Variants in PHACTR4 observed in about 807,000 individuals in gnomAD.
PHACTR4 encodes the protein phosphatase and actin regulator 4, also known as protein phosphatase 1, regulatory subunit 124.
Under a neutral mutation model 72.7 loss-of-function variants are expected in PHACTR4, and 51 were observed. The ratio of observed to expected loss-of-function variants is 0.70; its 90% confidence interval spans 0.56 to 0.89. PHACTR4 has a LOEUF of 0.89. Among genes scored for constraint, PHACTR4 ranks in the 40% least tolerant of loss-of-function variants. PHACTR4 has a pLI of 0.00. For synonymous variants in PHACTR4, 255 were observed against 302.5 expected (o/e 0.84, Z 1.63); for missense variants, 731 against 861.8 (o/e 0.85, Z 1.90).
chr1:28,449,326 A>T (rs1657761919), intron 2 of PHACTR4, among the ~76,000 whole-genome samples: 2 of 152,054 alleles, frequency 1.3e-5, no homozygotes, highest in African/African-American at 4.8e-5. Context: ...CATACCCCAT[A>T]TCTAAAAAAT....
intron 13 of PHACTR4, 94 bp from the exon 14 acceptor site, chr1:28,496,440 G>A: frequency 1.5e-6 from 2 of 1,377,490 alleles, no homozygotes; most frequent in Non-Finnish European, 2.1e-6. Context: ...GAAAGGCAGT[G>A]TTAATTAGGT....
chr1:28,458,354 C>T (rs1658558709), intron 2 of PHACTR4, among the ~76,000 whole-genome samples: 1 of 151,994 alleles, frequency 6.6e-6, no homozygotes, highest in African/African-American at 2.4e-5. Flanking sequence ...CACCTTACTG[C>T]CCTGGTTGAT....
At chr1:28,436,805 A>G (rs894233323) in intron 2 of PHACTR4, among the ~76,000 whole-genome samples, 12 of 152,216 alleles carry the variant, frequency 7.9e-5, no homozygotes, top group Admixed American at 6.5e-5. Flanking sequence ...GGAAAAATCA[A>G]TGTGCAAACT....
intron 1 of PHACTR4, among the ~76,000 whole-genome samples, chr1:28,393,095 G>A (rs1355895099): frequency 6.6e-6 from 1 of 152,094 alleles, no homozygotes; most frequent in African/African-American, 2.4e-5. Flanking sequence ...GGATAAGAGA[G>A]GACTACTGTA....
intron 2 of PHACTR4, among the ~76,000 whole-genome samples, chr1:28,447,269 C>T (rs1657550979): frequency 6.6e-6 from 1 of 152,244 alleles, no homozygotes; most frequent in East Asian, 1.9e-4. Context: ...GCCTTGGCCT[C>T]CCAAAGTGCT....
intron 2 of PHACTR4, among the ~76,000 whole-genome samples, chr1:28,424,848 C>T (rs1201246729): frequency 1.3e-5 from 2 of 151,482 alleles, no homozygotes. Flanking sequence ...GCTTGGAATG[C>T]AGTGGTGCAA....
At chr1:28,398,515 C>T (rs535725247) in intron 1 of PHACTR4, among the ~76,000 whole-genome samples, 2 of 150,166 alleles carry the variant, frequency 1.3e-5, no homozygotes, top group Non-Finnish European at 3.0e-5. Flanking sequence ...AGTAGACAGA[C>T]CCTGTCTCAA....
Position 28,491,762 on chromosome 1 carries a change from G to A in PHACTR4, c.1991G>A (p.Trp664Ter). 6.2e-7 allele frequency: 1 copy of A among 1,614,074 alleles called. No individual in the cohort carries two copies. Among genetic ancestry groups the A allele is most frequent in the Non-Finnish European group, 8.5e-7 (1 of 1,179,992 alleles). The change falls in exon 12 of 14, where the codon TGG (tryptophan) becomes TAG (stop). Residue 664 changes from tryptophan to a stop codon, truncating the protein, a stop_gained. Transcript: ENST00000373839. LOFTEE classifies it high-confidence loss of function. ...QDYDRRADKPWTKLTPADKAA... is the reference protein window; with the variant it reads ...QDYDRRADKP ...TATGACCGGCGAGCCGACAAACCTT[G>A]GACCAAACTGACCCCTGCTGACAAG...
intron 11 of PHACTR4, 62 bp downstream of exon 11, chr1:28,491,074 G>C: frequency 6.6e-7 from 1 of 1,521,820 alleles, no homozygotes; most frequent in Admixed American, 1.7e-5. Context: ...TATTTGATTG[G>C]AAATGAATTC....
chr1:28,473,868 C>A lies in PHACTR4; in HGVS notation c.1138C>A (p.Leu380Ile), dbSNP rs61785974. 0.28 allele frequency: 444,042 copies of A among 1,613,634 alleles called. 62,864 individuals carry two copies. Among genetic ancestry groups the A allele is most frequent in the Middle Eastern group, 0.31 (1,854 of 6,058 alleles). ...PEIEFPPSLD[L>I]HQEIPQQEDQ... Reference sequence around the variant, plus strand: ...AATTGAGTTTCCACCATCCTTAGATCTACACCAGGAGATTCCCCAGCAGGA... The same window carrying A: ...AATTGAGTTTCCACCATCCTTAGATATACACCAGGAGATTCCCCAGCAGGA... The change falls in exon 7 of 14, where the codon CTA becomes ATA. Residue 380 changes from leucine to isoleucine, a missense_variant. Transcript: ENST00000373839.
At chr1:28,458,648 G>A (rs948039329) in intron 2 of PHACTR4, among the ~76,000 whole-genome samples, 2 of 152,128 alleles carry the variant, frequency 1.3e-5, no homozygotes, top group Non-Finnish European at 2.9e-5. Context: ...CTAACAATGT[G>A]TTACCTCTCC....
chr1:28,443,732 G>A (rs1335374784), intron 2 of PHACTR4, among the ~76,000 whole-genome samples: 1 of 152,142 alleles, frequency 6.6e-6, no homozygotes, highest in African/African-American at 2.4e-5. Context: ...TGGGATTACA[G>A]TTGTGAGCTA....
At chr1:28,378,098 G>A (rs541304344) in intron 1 of PHACTR4, among the ~76,000 whole-genome samples, 42 of 150,940 alleles carry the variant, frequency 2.8e-4, no homozygotes, top group African/African-American at 9.8e-4. Context: ...TCGGGAGGCT[G>A]AGGCAGGAGA....
intron 2 of PHACTR4, among the ~76,000 whole-genome samples, chr1:28,447,529 A>C (rs1197608570): frequency 1.3e-5 from 2 of 151,566 alleles, no homozygotes; most frequent in Admixed American, 6.6e-5. Flanking sequence ...AGCTGGCATT[A>C]CAGGTGCCCA....
chr1:28,397,852 T>C (rs993732902), intron 1 of PHACTR4, among the ~76,000 whole-genome samples: 2 of 151,992 alleles, frequency 1.3e-5, no homozygotes, highest in Admixed American at 6.6e-5. Context: ...CGTGCCACCA[T>C]GCCCTGCTAA....
intron 1 of PHACTR4, among the ~76,000 whole-genome samples, chr1:28,379,873 G>A (rs1267980686): frequency 1.3e-5 from 2 of 151,700 alleles, no homozygotes. Context: ...ACAGGTGTGA[G>A]CCACCGCGCC....
intron 2 of PHACTR4, among the ~76,000 whole-genome samples, chr1:28,441,544 T>C (rs1005479551): frequency 1.3e-5 from 2 of 152,236 alleles, no homozygotes; most frequent in Admixed American, 6.5e-5. Flanking sequence ...GTTTCTACTG[T>C]AGGATCTTTC....
At chr1:28,471,038 A>C (rs534186614) in intron 6 of PHACTR4, among the ~76,000 whole-genome samples, 1 of 151,716 alleles carries the variant, frequency 6.6e-6, no homozygotes, top group Admixed American at 6.6e-5. Flanking sequence ...AAGAAAAAAA[A>C]AAAAAGAATT....
At chr1:28,491,151 T>G in intron 11 of PHACTR4, 139 bp downstream of exon 11, 1 of 805,358 alleles carries the variant, frequency 1.2e-6, no homozygotes, top group Non-Finnish European at 2.0e-6. Context: ...GGAGGATTGC[T>G]TGAGCCCAGG....
Sources: allele counts gnomAD v4.1 joint callset (sites outside exome capture counted in the v4.1 genomes callset), GRCh38; gene constraint gnomAD v4.1.1; transcripts MANE v1.5; gene names NCBI Gene and HGNC (gene_info 2026-07-23, HGNC 2026-07-21).